Variants in COL6A6 observed in about 807,000 individuals in gnomAD.
COL6A6 encodes collagen alpha-6(VI) chain.
A neutral mutation model predicts 208.6 loss-of-function variants in COL6A6; 183 were observed. The ratio of observed to expected loss-of-function variants is 0.88; its 90% CI spans 0.78 to 0.99. The LOEUF (loss-of-function observed/expected upper bound fraction) is 0.99, where lower values mean the gene tolerates loss of function less well. COL6A6 is among the 50% of genes least tolerant of loss of function. The pLI is 0.00. For synonymous variants in COL6A6, 973 were observed against 1,011.8 expected (o/e 0.96, Z 0.73); for missense variants, 2,816 against 2,815.2 (o/e 1.00, Z -0.01).
At chr3:130,567,686 C>T (rs556708098) in intron 5 of COL6A6, among the ~76,000 whole-genome samples, 27 of 152,194 alleles carry the variant, frequency 1.8e-4, no homozygotes, top group East Asian at 3.9e-4. Context: ...TATTTGTCAA[C>T]GCCTAGAGAC....
rs1340833722 is a variant in COL6A6, at chr3:130,574,501, A to G, written c.3523A>G (p.Ile1175Val). The change falls in exon 8 of 37, where the codon ATC (isoleucine) becomes GTC (valine). Residue 1175 changes from isoleucine (I) to valine (V), a missense_variant. Coordinates refer to ENST00000358511, the MANE Select transcript of COL6A6 (RefSeq NM_001102608.3). Reference protein sequence around the residue: ...KKVNKRIVRNICTTAGESNCF... With the variant: ...KKVNKRIVRNVCTTAGESNCF... The stretch of plus-strand genomic sequence containing the variant: ...GGTCAATAAAAGGATCGTTCGCAAC[A>G]TCTGTACCACAGCGGGTGAAAGCAG... The G allele has an allele frequency of 6.2e-7, 1 of 1,613,942 alleles. No homozygotes were observed. The highest frequency in any genetic ancestry group is 1.7e-5 in the Admixed American group (1 of 60,034).
chr3:130,600,588 A>C (rs755267072), intron 20 of COL6A6, among the ~76,000 whole-genome samples: 3 of 152,206 alleles, frequency 2.0e-5, no homozygotes, highest in Non-Finnish European at 4.4e-5. Context: ...AGCTGGAGCC[A>C]TCATCCTCAG....
chr3:130,516,857 G>A (rs1388474386), upstream of COL6A6, among the ~76,000 whole-genome samples: 2 of 152,206 alleles, frequency 1.3e-5, no homozygotes, highest in African/African-American at 4.8e-5. Flanking sequence ...GGTAGGAGCA[G>A]AGCTACTGCC....
intron 20 of COL6A6, among the ~76,000 whole-genome samples, chr3:130,603,475 A>C (rs1253337745): frequency 6.6e-6 from 1 of 152,158 alleles, no homozygotes; most frequent in Admixed American, 6.5e-5. Context: ...ATTGGGGGAA[A>C]AGGCAGGAAG....
chr3:130,533,560 G>A (rs1392844195), intron 1 of COL6A6, among the ~76,000 whole-genome samples: 1 of 151,904 alleles, frequency 6.6e-6, no homozygotes, highest in South Asian at 2.1e-4. Context: ...TGTTTGTTCA[G>A]ACTTTTTAAA....
chr3:130,589,219 G>C, intron 12 of COL6A6, 37 bp downstream of exon 12: 1 of 1,452,458 alleles, frequency 6.9e-7, no homozygotes, highest in Non-Finnish European at 9.7e-7. Flanking sequence ...ACTTTGAGTT[G>C]TAGTATGTCC....
intron 8 of COL6A6, among the ~76,000 whole-genome samples, chr3:130,580,191 C>A (rs2063385664): frequency 6.6e-6 from 1 of 152,130 alleles, no homozygotes; most frequent in African/African-American, 2.4e-5. Context: ...AAAAATGAAA[C>A]TTTCAAGCTC....
intron 10 of COL6A6, among the ~76,000 whole-genome samples, chr3:130,583,361 GGGATGGGTA>G (rs2063466909): frequency 6.6e-6 from 1 of 152,042 alleles, no homozygotes; most frequent in African/African-American, 2.4e-5. Context: ...GTGCTTAGTT[GGGATGGGTA>G]GGGTTGTTTT....
chr3:130,664,858 C>G (rs144708299), intron 35 of COL6A6, 145 bp from the exon 36 acceptor site: 5 of 591,744 alleles, frequency 8.4e-6, no homozygotes, highest in Non-Finnish European at 1.5e-5. Flanking sequence ...CCTGAGAAAT[C>G]TGCTTTCATT....
intron 1 of COL6A6, among the ~76,000 whole-genome samples, chr3:130,518,931 G>A (rs866943813): frequency 2.6e-5 from 4 of 152,094 alleles, no homozygotes; most frequent in African/African-American, 2.4e-5. Flanking sequence ...AAAGATGTTA[G>A]GTTAAGCATT....
At position 130,591,041 on chromosome 3, in the gene COL6A6, G is replaced by A. The variant is rs757998675; in HGVS notation, c.4219G>A (p.Gly1407Arg). ...MGDPGPPGKRGPPGFKGSEGY... is the reference protein window; with the variant it reads ...MGDPGPPGKRRPPGFKGSEGY... Reference sequence around the variant, plus strand: ...GTTTTCTTCCTTTTCTTATTTCCAGGGACCTCCAGGTTTTAAAGGCAGTGA... The same window carrying A: ...GTTTTCTTCCTTTTCTTATTTCCAGAGACCTCCAGGTTTTAAAGGCAGTGA... Residue 1407 changes from glycine (G) to arginine (R), a missense_variant and splice_region_variant, in exon 13 of 37, where the codon GGA (glycine) becomes AGA (arginine). Transcript: ENST00000358511. The A allele has an allele frequency of 2.5e-6, 4 of 1,574,426 alleles. No individual in the cohort carries two copies. Among genetic ancestry groups the A allele is most frequent in the Non-Finnish European group, 3.5e-6 (4 of 1,157,666 alleles).
chr3:130,581,201 A>C (rs982542426), intron 8 of COL6A6, among the ~76,000 whole-genome samples: 1 of 152,182 alleles, frequency 6.6e-6, no homozygotes, highest in Non-Finnish European at 1.5e-5. Flanking sequence ...AATGACCTCA[A>C]TTGATAAGTA....
chr3:130,547,169 C>T (rs1170636181), intron 1 of COL6A6, among the ~76,000 whole-genome samples: 7 of 152,346 alleles, frequency 4.6e-5, no homozygotes, highest in South Asian at 2.1e-4. Context: ...CGGAGGGGCT[C>T]GGGCATGGCA....
At chr3:130,606,597 T>C (rs1299766996) in intron 20 of COL6A6, among the ~76,000 whole-genome samples, 1 of 152,164 alleles carries the variant, frequency 6.6e-6, no homozygotes, top group African/African-American at 2.4e-5. Context: ...AAAATTCAAA[T>C]AAGTCAATTT....
At chr3:130,658,801 G>A (rs778692237) in intron 34 of COL6A6, 29 bp downstream of exon 34, 5 of 1,535,982 alleles carry the variant, frequency 3.3e-6, no homozygotes, top group Non-Finnish European at 3.6e-6. Context: ...AGGTAATTTG[G>A]TCAGGCCTAT....
chr3:130,642,688 T>C (rs1420279129), intron 29 of COL6A6, 144 bp from the exon 30 acceptor site: 3 of 660,688 alleles, frequency 4.5e-6, no homozygotes, highest in East Asian at 2.7e-5. Context: ...AATGAGTACC[T>C]ACCTGCATTC....
chr3:130,649,235 C>A lies in COL6A6; in HGVS notation c.5406C>A (p.Ile1802=). ...GCCCCGTGGGAGCGCACATCGCCAT[C>A]CTCTCCTATAACTCCCACGCCAGGC... The part of the protein sequence containing the change: ...NSCPVGAHIA[I]LSYNSHARHL... Residue 1802 remains isoleucine (I), a synonymous_variant, in exon 33 of 37, where the codon ATC becomes ATA. Coordinates refer to ENST00000358511, the MANE Select transcript of COL6A6 (RefSeq NM_001102608.3). The A allele has an allele frequency of 2.5e-6, 4 of 1,593,130 alleles. No homozygotes were observed. The South Asian group carries it at 3.4e-5, about 14-fold the overall frequency.
chr3:130,594,299 G>C lies in COL6A6; in HGVS notation c.4489G>C (p.Gly1497Arg). Residue 1497 changes from glycine (G) to arginine (R), a missense_variant, in exon 18 of 37, where the codon GGG becomes CGG. Coordinates refer to ENST00000358511, the MANE Select transcript of COL6A6 (RefSeq NM_001102608.3). ...EGSQGSPGKR[G>R]TPGDRGAKGL... ...ACTTTAGGGAAGCCCAGGGAAGAGA[G>C]GGACTCCTGGTGACCGTGGAGCAAA... 2 of 1,613,248 alleles carry C rather than the reference G, an allele frequency of 1.2e-6. No individual in the cohort carries two copies. Among genetic ancestry groups the C allele is most frequent in the South Asian group, 2.2e-5 (2 of 90,986 alleles).
chr3:130,614,964 T>G (rs995259958), intron 23 of COL6A6, among the ~76,000 whole-genome samples: 1 of 152,130 alleles, frequency 6.6e-6, no homozygotes, highest in Non-Finnish European at 1.5e-5. Context: ...ATTCCTTGAT[T>G]TGTTGATCTT....
Sources: gnomAD v4.1 joint callset for allele counts (sites outside exome capture counted in the v4.1 genomes callset) on GRCh38, gnomAD v4.1.1 for gene constraint, MANE v1.5 for transcripts, NCBI Gene and HGNC (gene_info 2026-07-23, HGNC 2026-07-21) for gene names.